Variants in HAAO observed in about 807,000 individuals in gnomAD.
HAAO encodes the protein 3-hydroxyanthranilate 3,4-dioxygenase, also known as 3-hydroxyanthranilate oxygenase.
HAAO carries 49 observed loss-of-function variants against 46.2 expected under a neutral mutation model. The observed-to-expected ratio is 1.06, with a 90% CI of 0.84 to 1.34. HAAO has a LOEUF of 1.34. HAAO is among the 40% of genes most tolerant of loss of function. The probability of loss-of-function intolerance (pLI) is 0.00; values close to 1 mark genes in which losing one functional copy is unlikely to be tolerated. For missense variants in HAAO, 408 were observed against 364.5 expected (o/e 1.12, Z -0.97); for synonymous variants, 157 against 145.2 (o/e 1.08, Z -0.58).
chr2:42,773,869 C>T (rs1336376591), intron 4 of HAAO, among the ~76,000 whole-genome samples: 5 of 152,200 alleles, frequency 3.3e-5, no homozygotes, highest in East Asian at 1.9e-4. Context: ...GGATTACAAG[C>T]GTGTGCCACT....
rs761967700 is a variant in HAAO at position 42,769,797 on chromosome 2, G to C, written c.546C>G (p.Ser182=). ...LSTRSIMEPM[S]LDAWLDSHHR... ...GGTGGCTGTCCAGCCAGGCATCCAG[G>C]GACATGGGCTCCATGATGGATCGTG... The change falls in exon 7 of 10, where the codon TCC becomes TCG. Residue 182 remains serine, a synonymous_variant. Transcript: ENST00000294973. The C allele has an allele frequency of 1.9e-6, 3 of 1,613,960 alleles. No homozygotes were observed. The highest frequency in any genetic ancestry group is 2.5e-6 in the Non-Finnish European group (3 of 1,179,974).
chr2:42,767,788 G>C, intron 8 of HAAO, 72 bp downstream of exon 8: 2 of 1,561,998 alleles, frequency 1.3e-6, no homozygotes, highest in South Asian at 1.1e-5. Flanking sequence ...CCGTGTGGGA[G>C]CCCAGGGCCG....
rs926711135 is a variant in HAAO, at chr2:42,767,191, C to T, written c.*246G>A. On this transcript the variant is annotated 3_prime_UTR_variant, in exon 10 of 10. Transcript: ENST00000294973. ...GGGCAGGAGCGGGGCCGGGGGTAGA[C>T]CACCTGGCAAGACTGGCAAGGCAGT... 9 of 594,594 alleles carry T rather than the reference C, an allele frequency of 1.5e-5. No individual in the cohort carries two copies. The highest frequency in any genetic ancestry group is 3.9e-5 in the South Asian group (2 of 51,716). The allele number at this position is 594,594 out of a possible 1,614,324, so 36.8% of individuals were successfully genotyped here.
rs1298474441 is a variant in HAAO, at chr2:42,767,656, T to C, written c.721A>G (p.Met241Val). ...WQLEGSSVVT[M>V]GGRRLSLAPD... ...GCCAGGCTCAGGCGCCGTCCCCCCA[T>C]TGTCACCACCGAGGAGCCCTCCTGG... The change falls in exon 9 of 10, where the codon ATG (methionine) becomes GTG (valine). Residue 241 changes from methionine (M) to valine (V), a missense_variant. Coordinates refer to ENST00000294973, the MANE Select transcript of HAAO (RefSeq NM_012205.3). The C allele has an allele frequency of 5.7e-6, 9 of 1,568,344 alleles. No homozygotes were observed. The highest frequency in any genetic ancestry group is 7.8e-6 in the Non-Finnish European group (9 of 1,155,838).
intron 4 of HAAO, among the ~76,000 whole-genome samples, chr2:42,781,728 G>A (rs796213078): frequency 2.0e-4 from 31 of 152,212 alleles, no homozygotes; most frequent in African/African-American, 7.2e-4. Flanking sequence ...CAAAAAATTA[G>A]CCGGGTGTGG....
chr2:42,775,680 G>T (rs9941505), intron 4 of HAAO, among the ~76,000 whole-genome samples: 56,830 of 151,082 alleles, frequency 0.38, 11,717 homozygotes, highest in African/African-American at 0.52. Flanking sequence ...CCTTTCTCCT[G>T]CACCCTCTGC....
In HAAO at chr2:42,767,292, G is replaced by C. The variant is rs1032418114; in HGVS notation, c.*145C>G. ...GGCATCTGGGCTGAGAAGGGCAGGA[G>C]GGTGGGTGACAACAATGTGCAGGTC... On this transcript the variant is annotated 3_prime_UTR_variant, in exon 10 of 10. Coordinates refer to ENST00000294973, the MANE Select transcript of HAAO (RefSeq NM_012205.3). 3.0e-6 allele frequency: 2 copies of C among 670,388 alleles called. No individual in the cohort carries two copies. The highest frequency in any genetic ancestry group is 3.5e-5 in the African/African-American group (2 of 56,738). 41.5% of individuals were successfully genotyped at this position (670,388 alleles called of 1,614,324 possible). A position where few individuals can be genotyped will look rare whatever the true frequency, so the allele number is the denominator to read the frequency against.
At chr2:42,787,675 G>A (rs193028199) in intron 2 of HAAO, among the ~76,000 whole-genome samples, 2 of 152,224 alleles carry the variant, frequency 1.3e-5, no homozygotes, top group East Asian at 3.9e-4. Flanking sequence ...GTCCCTGGCT[G>A]TGGCCTGGAT....
chr2:42,784,870 G>T (rs1430677812), intron 2 of HAAO, among the ~76,000 whole-genome samples: 1 of 152,234 alleles, frequency 6.6e-6, no homozygotes, highest in Non-Finnish European at 1.5e-5. Context: ...GGACTGTGGG[G>T]TTTATTGGGA....
chr2:42,782,478 A>G (rs796243264), intron 4 of HAAO, among the ~76,000 whole-genome samples: 2 of 152,354 alleles, frequency 1.3e-5, no homozygotes, highest in African/African-American at 4.8e-5. Flanking sequence ...CATCCTAGCC[A>G]TGAGACATCA....
chr2:42,769,971 C>T (rs1670979474), intron 6 of HAAO, 113 bp from the exon 7 acceptor site: 14 of 1,251,414 alleles, frequency 1.1e-5, no homozygotes, highest in Non-Finnish European at 1.5e-5. Flanking sequence ...GCTCTGTATC[C>T]AGCTCAATGA....
chr2:42,771,623 C>G (rs1333141465), intron 4 of HAAO, among the ~76,000 whole-genome samples: 1 of 152,202 alleles, frequency 6.6e-6, no homozygotes, highest in African/African-American at 2.4e-5. Context: ...CCCACCCCAG[C>G]CCCCAGCCTG....
In HAAO at chr2:42,770,580, T is replaced by TA. The variant is rs1185569238; in HGVS notation, c.352dup (p.Tyr118LeufsTer12). On this transcript the variant is annotated frameshift_variant and splice_region_variant, in exon 5 of 10. Transcript: ENST00000294973. LOFTEE classifies it high-confidence loss of function. ...AACGTCCATGGTGTCGCCCACATAGTACCTGCCAGAGCAGAGGACAGGCAA... is the reference window on the plus strand; with the variant it reads ...AACGTCCATGGTGTCGCCCACATAGTAACCTGCCAGAGCAGAGGACAGGCAA... 5 of 1,549,002 alleles carry TA rather than the reference T, an allele frequency of 3.2e-6. No individual in the cohort carries two copies. The highest frequency in any genetic ancestry group is 4.4e-6 in the Non-Finnish European group (5 of 1,145,098).
intron 4 of HAAO, among the ~76,000 whole-genome samples, chr2:42,777,420 C>T (rs764569914): frequency 4.0e-5 from 6 of 151,038 alleles, no homozygotes; most frequent in South Asian, 2.1e-4. Context: ...ATGCCTAAGA[C>T]GTCTATCTAT....
chr2:42,775,173 G>A (rs1671446910), intron 4 of HAAO, among the ~76,000 whole-genome samples: 1 of 151,086 alleles, frequency 6.6e-6, no homozygotes, highest in African/African-American at 2.4e-5. Flanking sequence ...CTTGAACCCA[G>A]GAGGCAGAGG....
intron 1 of HAAO, among the ~76,000 whole-genome samples, chr2:42,790,947 A>G (rs13026205): frequency 6.6e-6 from 1 of 152,090 alleles, no homozygotes; most frequent in Non-Finnish European, 1.5e-5. Context: ...TGCATAAACC[A>G]GACCTGCCCC....
intron 4 of HAAO, among the ~76,000 whole-genome samples, chr2:42,782,623 G>A (rs1672084782): frequency 6.6e-6 from 1 of 152,232 alleles, no homozygotes; most frequent in Non-Finnish European, 1.5e-5. Context: ...AAAAATCAAG[G>A]TAGGAACTGC....
chr2:42,786,007 CTCTGTG>C (rs1672355163), intron 2 of HAAO, among the ~76,000 whole-genome samples: 1 of 118,728 alleles, frequency 8.4e-6, no homozygotes, highest in Non-Finnish European at 1.8e-5. Context: ...GGGAGGAAGC[CTCTGTG>C]TGTGTGTGTG....
rs1003673827 is a variant in HAAO, at chr2:42,767,852, C to T, written c.699+8G>A. On this transcript the variant is annotated splice_region_variant and intron_variant, in intron 8 of 9. Coordinates refer to ENST00000294973, the MANE Select transcript of HAAO (RefSeq NM_012205.3). ...GGTTCTGCAACCCTGTCCCTGGGCC[C>T]CACTTGCCAGCTGCCACAGCCACAC... 1.2e-6 allele frequency: 2 copies of T among 1,613,694 alleles called. No individual in the cohort carries two copies. Among genetic ancestry groups the T allele is most frequent in the South Asian group, 1.1e-5 (1 of 91,082 alleles).
Sources: allele counts gnomAD v4.1 joint callset (sites outside exome capture counted in the v4.1 genomes callset), GRCh38; gene constraint gnomAD v4.1.1; transcripts MANE v1.5; gene names NCBI Gene and HGNC (gene_info 2026-07-23, HGNC 2026-07-21).